GRID2: variants seen among roughly 807,000 people sequenced by gnomAD.
GRID2 encodes glutamate receptor ionotropic, delta-2.
GRID2 carries 33 observed loss-of-function variants against 114.8 expected under a neutral mutation model. That is an observed-to-expected ratio of 0.29 (90% CI 0.22 to 0.38). GRID2 has a LOEUF of 0.38. Ranked by LOEUF, GRID2 falls within the 10% of genes least tolerant of loss-of-function variation. GRID2 has a pLI of 1.00. For missense variants in GRID2, 1,184 were observed against 1,257.7 expected, an observed-to-expected ratio of 0.94 and a Z score of 0.89; for synonymous variants, 505 against 449.9, an observed-to-expected ratio of 1.12 and a Z score of -1.55.
At chr4:92,462,102 T>G (rs751225701) in intron 1 of GRID2, among the ~76,000 whole-genome samples, 2 of 152,036 alleles carry the variant, frequency 1.3e-5, no homozygotes, top group African/African-American at 4.8e-5. Context: ...TATACTTCCT[T>G]TAGGGCACCT....
At chr4:92,759,591 A>G (rs1166463779) in intron 2 of GRID2, among the ~76,000 whole-genome samples, 1 of 151,942 alleles carries the variant, frequency 6.6e-6, no homozygotes, top group African/African-American at 2.4e-5. Flanking sequence ...TATGTGTATC[A>G]TCTATGCTCT....
intron 13 of GRID2, among the ~76,000 whole-genome samples, chr4:93,586,981 A>G (rs1018784202): frequency 7.2e-5 from 11 of 152,130 alleles, no homozygotes; most frequent in Non-Finnish European, 1.5e-4. Context: ...TAAATTATAC[A>G]TCCTCCACAC....
At chr4:93,735,411 T>A (rs1730843058) in intron 14 of GRID2, among the ~76,000 whole-genome samples, 1 of 152,018 alleles carries the variant, frequency 6.6e-6, no homozygotes, top group South Asian at 2.1e-4. Flanking sequence ...TTTCCACATG[T>A]AATTTTATTT....
At chr4:92,848,058 A>G (rs980799555) in intron 2 of GRID2, among the ~76,000 whole-genome samples, 1 of 152,014 alleles carries the variant, frequency 6.6e-6, no homozygotes, top group Non-Finnish European at 1.5e-5. Flanking sequence ...CTATTGAAGT[A>G]ATTTACATCT....
At chr4:93,743,017 G>A (rs1731548793) in intron 14 of GRID2, among the ~76,000 whole-genome samples, 1 of 152,124 alleles carries the variant, frequency 6.6e-6, no homozygotes, top group Non-Finnish European at 1.5e-5. Context: ...TGAATGCAAA[G>A]GAAAAGTTCT....
At chr4:92,974,370 A>G (rs1753717702) in intron 2 of GRID2, among the ~76,000 whole-genome samples, 1 of 152,162 alleles carries the variant, frequency 6.6e-6, no homozygotes, top group Admixed American at 6.5e-5. Flanking sequence ...TCATTCTACG[A>G]TAAAGACACA....
chr4:92,378,260 A>G (rs975407385), intron 1 of GRID2, among the ~76,000 whole-genome samples: 4 of 152,094 alleles, frequency 2.6e-5, no homozygotes, highest in Admixed American at 6.6e-5. Context: ...TAGACATATT[A>G]AACTATTAAG....
downstream of GRID2, among the ~76,000 whole-genome samples, chr4:93,775,088 G>T (rs550868171): frequency 6.7e-6 from 1 of 149,166 alleles, no homozygotes; most frequent in Non-Finnish European, 1.5e-5. Context: ...TTCTTCCAGC[G>T]TTTAACACAC....
At chr4:93,318,945 A>G (rs767296802) in intron 8 of GRID2, 1 of 152,002 alleles carries the variant, frequency 6.6e-6, no homozygotes, top group Non-Finnish European at 1.5e-5. Flanking sequence ...ATGTTGAACA[A>G]CTCGTTCTCT....
chr4:93,134,628 A>T (rs1579083739), intron 4 of GRID2, among the ~76,000 whole-genome samples: 1 of 152,180 alleles, frequency 6.6e-6, no homozygotes, highest in Non-Finnish European at 1.5e-5. Context: ...CATAATGAAC[A>T]TCATTTTTTT....
intron 2 of GRID2, among the ~76,000 whole-genome samples, chr4:92,949,230 T>G (rs1449552129): frequency 2.0e-5 from 3 of 151,828 alleles, no homozygotes; most frequent in Non-Finnish European, 4.4e-5. Context: ...TGGGATAGAT[T>G]AAATGGAGCT....
At chr4:92,950,638 C>T (rs982461138) in intron 2 of GRID2, among the ~76,000 whole-genome samples, 1 of 152,124 alleles carries the variant, frequency 6.6e-6, no homozygotes, top group Non-Finnish European at 1.5e-5. Context: ...CACAGTGGTA[C>T]CAACGAAGCA....
At chr4:92,685,479 G>T (rs559713721) in intron 2 of GRID2, among the ~76,000 whole-genome samples, 2 of 152,130 alleles carry the variant, frequency 1.3e-5, no homozygotes, top group East Asian at 3.9e-4. Flanking sequence ...AAGGGAAGTG[G>T]CATATTACAG....
intron 14 of GRID2, among the ~76,000 whole-genome samples, chr4:93,659,741 A>G (rs1448616243): frequency 1.3e-5 from 2 of 152,156 alleles, no homozygotes; most frequent in Non-Finnish European, 2.9e-5. Context: ...GGGAATTTCC[A>G]TTGGTTTCTC....
intron 13 of GRID2, among the ~76,000 whole-genome samples, chr4:93,556,847 G>T (rs1033562527): frequency 5.3e-5 from 8 of 152,160 alleles, no homozygotes; most frequent in Non-Finnish European, 1.0e-4. Context: ...AGAGAGAAAG[G>T]TTGGGTTACC....
chr4:92,557,887 T>G (rs746177668), intron 1 of GRID2, among the ~76,000 whole-genome samples: 5 of 152,070 alleles, frequency 3.3e-5, no homozygotes, highest in Non-Finnish European at 5.9e-5. Flanking sequence ...TTAAAAAACT[T>G]TTATGCCTTG....
intron 1 of GRID2, among the ~76,000 whole-genome samples, chr4:92,525,000 T>C (rs757521557): frequency 7.6e-4 from 116 of 151,942 alleles, no homozygotes; most frequent in South Asian, 2.7e-3. Context: ...AGAATAGGAA[T>C]ACAGATGAAT....
intron 13 of GRID2, among the ~76,000 whole-genome samples, chr4:93,590,619 G>T (rs1738150326): frequency 6.6e-6 from 1 of 152,110 alleles, no homozygotes; most frequent in Admixed American, 6.5e-5. Context: ...GATGGGGATA[G>T]CATTGAATCT....
chr4:93,688,788 T>C (rs922102515), intron 14 of GRID2, among the ~76,000 whole-genome samples: 2 of 152,052 alleles, frequency 1.3e-5, no homozygotes, highest in Non-Finnish European at 1.5e-5. Flanking sequence ...TTTACACAGA[T>C]GAGAACTAAG....
Sources: allele counts gnomAD v4.1 joint callset (sites outside exome capture counted in the v4.1 genomes callset), GRCh38; gene constraint gnomAD v4.1.1; transcripts MANE v1.5; gene names NCBI Gene and HGNC (gene_info 2026-07-23, HGNC 2026-07-21).